The following TUSC7 variants were observed in gnomAD, a reference collection of about 807,000 sequenced individuals.
TUSC7 encodes LSAMP antisense RNA 3.
intron 1 of TUSC7, among the ~76,000 whole-genome samples, chr3:116,711,691 T>A (rs1471519995): frequency 6.6e-6 from 1 of 152,170 alleles, no homozygotes; most frequent in East Asian, 1.9e-4. Flanking sequence ...AGTCAAACTT[T>A]AAACATAAGC....
intron 1 of TUSC7, among the ~76,000 whole-genome samples, chr3:116,714,301 A>G (rs183756806): frequency 9.0e-4 from 137 of 152,310 alleles, no homozygotes; most frequent in Non-Finnish European, 1.2e-3. Flanking sequence ...GTGTATTCTT[A>G]ATCTAGAAAA....
chr3:116,712,424 G>A (rs764914085), intron 1 of TUSC7: 5 of 152,076 alleles, frequency 3.3e-5, no homozygotes, highest in Admixed American at 1.3e-4. Context: ...TGATGGACAC[G>A]GCTCCTTAAC....
chr3:116,714,860 C>T (rs2051492862), intron 1 of TUSC7, among the ~76,000 whole-genome samples: 2 of 152,070 alleles, frequency 1.3e-5, no homozygotes, highest in Non-Finnish European at 1.5e-5. Context: ...CCATAGTTTG[C>T]ATTAGGGGTC....
At chr3:116,712,326 A>T (rs1397332259) in intron 1 of TUSC7, 1 of 152,186 alleles carries the variant, frequency 6.6e-6, no homozygotes, top group African/African-American at 2.4e-5. Context: ...CTTTCTCAAG[A>T]GTTACTGTTT....
intron 1 of TUSC7, chr3:116,716,995 T>C (rs1050088703): frequency 6.6e-6 from 1 of 152,174 alleles, no homozygotes; most frequent in Non-Finnish European, 1.5e-5. Context: ...TTTACTTCCA[T>C]GTGGAAAACC....
chr3:116,714,333 AT>A lies in TUSC7; in HGVS notation n.99-3427del, dbSNP rs544240597. Among the ~76,000 whole-genome samples the A allele has an allele frequency of 3.9e-5, 6 of 152,326 alleles. No homozygotes were observed. In the South Asian group the frequency reaches 1.2e-3, roughly 32 times the overall value. ...AAAACACAGCAGGAGATGGTTTGGC[AT>A]GATGATCTTTCTGAAATTTTATCAT... On this transcript the variant is annotated intron_variant and non_coding_transcript_variant, in intron 1 of 2. Transcript: ENST00000477805.
chr3:116,711,117 C>G (rs888372750), intron 1 of TUSC7, among the ~76,000 whole-genome samples: 1 of 152,154 alleles, frequency 6.6e-6, no homozygotes, highest in Non-Finnish European at 1.5e-5. Flanking sequence ...TATAATTAAA[C>G]TTTGTACTCT....
At chr3:116,716,133 G>A (rs2051505040) in intron 1 of TUSC7, 1 of 152,160 alleles carries the variant, frequency 6.6e-6, no homozygotes, top group South Asian at 2.1e-4. Flanking sequence ...TCTGATGAAA[G>A]CACTGATTTC....
chr3:116,713,698 G>A (rs772296318), intron 1 of TUSC7, among the ~76,000 whole-genome samples: 22 of 152,158 alleles, frequency 1.4e-4, no homozygotes, highest in East Asian at 1.9e-4. Flanking sequence ...AGACTTGGGG[G>A]CTCACGCCTG....
chr3:116,710,877 T>G (rs2051456986), intron 1 of TUSC7, among the ~76,000 whole-genome samples: 1 of 152,082 alleles, frequency 6.6e-6, no homozygotes, highest in Non-Finnish European at 1.5e-5. Flanking sequence ...CCATAGATAT[T>G]CCTGACTACC....
chr3:116,714,937 G>A (rs1412387888), intron 1 of TUSC7, among the ~76,000 whole-genome samples: 2 of 152,140 alleles, frequency 1.3e-5, no homozygotes, highest in Non-Finnish European at 2.9e-5. Flanking sequence ...TACCACTATA[G>A]TATTGTACAG....
In TUSC7 at chr3:116,713,843, G is replaced by A. The variant is rs527807646; in HGVS notation, n.99-3918G>A. Among the ~76,000 whole-genome samples, 5 of 152,228 alleles carry A rather than the reference G, an allele frequency of 3.3e-5. No individual in the cohort carries two copies. In the East Asian group the frequency reaches 7.8e-4, roughly 24 times the overall value. ...GAGCCGGGCATGGTGGTGCATACCC[G>A]TAATCTCAGCTACTTGGGAGGCTGA... On this transcript the variant is annotated intron_variant and non_coding_transcript_variant, in intron 1 of 2. Transcript: ENST00000477805.
chr3:116,714,495 T>C (rs1054476852), intron 1 of TUSC7, among the ~76,000 whole-genome samples: 1 of 152,166 alleles, frequency 6.6e-6, no homozygotes, highest in East Asian at 1.9e-4. Flanking sequence ...CTTGTTAAAG[T>C]ACAGTTTAAT....
intron 1 of TUSC7, among the ~76,000 whole-genome samples, chr3:116,715,494 C>A (rs151024563): frequency 9.9e-5 from 15 of 152,210 alleles, no homozygotes; most frequent in Non-Finnish European, 1.9e-4. Flanking sequence ...TTTGGTATTA[C>A]CTGTGTTCAG....
chr3:116,713,578 T>C (rs902818296), intron 1 of TUSC7, among the ~76,000 whole-genome samples: 2 of 152,220 alleles, frequency 1.3e-5, no homozygotes, highest in African/African-American at 4.8e-5. Flanking sequence ...TGTTTCTAAC[T>C]AGAGTTTTAA....
At chr3:116,712,218 T>C (rs534412410) in intron 1 of TUSC7, 45 of 152,358 alleles carry the variant, frequency 3.0e-4, no homozygotes, top group Non-Finnish European at 5.1e-4. Context: ...TTTCTGCCTT[T>C]GTCACCAAAA....
intron 1 of TUSC7, among the ~76,000 whole-genome samples, chr3:116,714,611 G>C (rs549186510): frequency 6.6e-6 from 1 of 152,142 alleles, no homozygotes; most frequent in East Asian, 1.9e-4. Context: ...AAGACCTGTA[G>C]GGTATTTTTA....
chr3:116,710,683 AAACT>A (rs1222018068), intron 1 of TUSC7, among the ~76,000 whole-genome samples: 1 of 152,146 alleles, frequency 6.6e-6, no homozygotes, highest in African/African-American at 2.4e-5. Flanking sequence ...CTTATAAGCA[AAACT>A]AATATGGTTG....
chr3:116,715,211 T>C (rs2051495532), intron 1 of TUSC7, among the ~76,000 whole-genome samples: 1 of 152,306 alleles, frequency 6.6e-6, no homozygotes, highest in South Asian at 2.1e-4. Context: ...TGTACCACAG[T>C]TGATTTCTCC....
Sources: gnomAD v4.1 joint callset for allele counts (sites outside exome capture counted in the v4.1 genomes callset) on GRCh38, gnomAD v4.1.1 for gene constraint, MANE v1.5 for transcripts, NCBI Gene and HGNC (gene_info 2026-07-23, HGNC 2026-07-21) for gene names.